The following WDFY3 variants were observed in gnomAD, a reference collection of about 807,000 sequenced individuals.
WDFY3 encodes WD repeat and FYVE domain containing 3.
WDFY3 carries 66 observed loss-of-function variants against 409.6 expected under a neutral mutation model. The observed-to-expected ratio is 0.16, with a 90% confidence interval of 0.13 to 0.20. WDFY3 has a LOEUF of 0.20. Among genes scored for constraint, WDFY3 ranks in the 10% least tolerant of loss-of-function variants. The pLI, the probability that WDFY3 is intolerant of heterozygous loss-of-function variation, is 1.00. For synonymous variants in WDFY3, 1,521 were observed against 1,537.1 expected, an observed-to-expected ratio of 0.99 and a Z score of 0.25; for missense variants, 3,031 against 4,298.1, an observed-to-expected ratio of 0.71 and a Z score of 8.24.
chr4:84,688,831 G>C (rs1234940010), intron 61 of WDFY3, among the ~76,000 whole-genome samples: 3 of 152,134 alleles, frequency 2.0e-5, no homozygotes, highest in Non-Finnish European at 4.4e-5. Context: ...CTGCCAATCG[G>C]AGATATCTGA....
intron 3 of WDFY3, among the ~76,000 whole-genome samples, chr4:84,862,211 C>T (rs374376184): frequency 1.2e-4 from 19 of 152,242 alleles, no homozygotes; most frequent in African/African-American, 2.6e-4. Flanking sequence ...CAGGAGGACA[C>T]GATGTAACTC....
chr4:84,947,544 A>AAT (rs1561138979), intron 1 of WDFY3, among the ~76,000 whole-genome samples: 41 of 131,832 alleles, frequency 3.1e-4, no homozygotes, highest in South Asian at 1.4e-3. Flanking sequence ...ATAATAATAA[A>AAT]AATAATAAAT....
At chr4:84,920,559 C>T (rs186377411) in intron 2 of WDFY3, among the ~76,000 whole-genome samples, 215 of 152,264 alleles carry the variant, frequency 1.4e-3, no homozygotes, top group Admixed American at 1.6e-3. Context: ...TAAAGGGCAA[C>T]TGGATGCTCT....
intron 13 of WDFY3, among the ~76,000 whole-genome samples, chr4:84,810,996 AT>A (rs1268459001): frequency 3.3e-5 from 5 of 151,998 alleles, no homozygotes; most frequent in Admixed American, 1.3e-4. Context: ...TTAGCTTATG[AT>A]TTTTTTTCTT....
chr4:84,687,051 A>C (rs1164653146), intron 62 of WDFY3, among the ~76,000 whole-genome samples: 1 of 152,226 alleles, frequency 6.6e-6, no homozygotes, highest in East Asian at 1.9e-4. Context: ...TAGCTATATA[A>C]GAATTTTTCT....
chr4:84,792,055 A>T (rs140832995), intron 21 of WDFY3, among the ~76,000 whole-genome samples: 82 of 152,312 alleles, frequency 5.4e-4, no homozygotes, highest in African/African-American at 1.7e-3. Flanking sequence ...CAGATCCAGT[A>T]TTTTTCACTG....
chr4:84,674,310 C>T (rs1368885050), intron 67 of WDFY3, among the ~76,000 whole-genome samples: 1 of 152,158 alleles, frequency 6.6e-6, no homozygotes, highest in Non-Finnish European at 1.5e-5. Flanking sequence ...AGGCTGAAAA[C>T]TGTAATCCCA....
chr4:84,689,773 C>T (rs988968805), intron 61 of WDFY3, among the ~76,000 whole-genome samples: 3 of 152,048 alleles, frequency 2.0e-5, no homozygotes, highest in East Asian at 3.9e-4. Context: ...AGAATTGTGT[C>T]GACTAGAGTT....
intron 3 of WDFY3, among the ~76,000 whole-genome samples, chr4:84,893,948 C>T (rs1765273907): frequency 6.6e-6 from 1 of 151,402 alleles, no homozygotes; most frequent in Admixed American, 6.6e-5. Flanking sequence ...GAGGCTGCGC[C>T]ATTGCACTCC....
intron 39 of WDFY3, 31 bp downstream of exon 39, chr4:84,740,156 T>C (rs953323159): frequency 6.2e-7 from 1 of 1,608,694 alleles, no homozygotes; most frequent in Non-Finnish European, 8.5e-7. Flanking sequence ...AAGCCAAATT[T>C]AACATGGCAA....
chr4:84,702,112 A>G (rs1008746878), intron 56 of WDFY3, among the ~76,000 whole-genome samples: 2 of 152,006 alleles, frequency 1.3e-5, no homozygotes, highest in South Asian at 2.1e-4. Flanking sequence ...GGTTCAAGCA[A>G]TTTTCCTGCC....
At chr4:84,852,764 C>T (rs367764911) in intron 4 of WDFY3, among the ~76,000 whole-genome samples, 1 of 146,366 alleles carries the variant, frequency 6.8e-6, no homozygotes, top group Non-Finnish European at 1.5e-5. Context: ...TAAACCTCCC[C>T]TTTTTTTTTT....
chr4:84,714,352 C>G (rs953791496), intron 50 of WDFY3, among the ~76,000 whole-genome samples: 5 of 152,134 alleles, frequency 3.3e-5, no homozygotes, highest in South Asian at 4.1e-4. Flanking sequence ...CAAAGTGATC[C>G]TCCCTCCTTG....
Position 84,737,312 on chromosome 4 carries a change from C to T in WDFY3, c.6629G>A (p.Ser2210Asn). ...VNRVWTELIH[S>N]KKQVLEELFK... ...AAGTTCCTCTAAGACTTGTTTCTTA[C>T]TATGTATCAGTTCAGTCCAAACTCT... The change falls in exon 41 of 68, where the codon AGT becomes AAT. Residue 2210 changes from serine to asparagine, a missense_variant. By Grantham distance (46) the Ser-to-Asn change is conservative (BLOSUM62 1). This residue lies in a region of WDFY3 where 314 missense variants were observed against 397.4 expected (regional missense o/e 0.79). Coordinates refer to ENST00000295888, the MANE Select transcript of WDFY3 (RefSeq NM_014991.6). The T allele has an allele frequency of 6.2e-7, 1 of 1,613,526 alleles. No homozygotes were observed. Among genetic ancestry groups the T allele is most frequent in the Non-Finnish European group, 8.5e-7 (1 of 1,179,730 alleles).
chr4:84,803,808 G>A, intron 15 of WDFY3: 1 of 171,362 alleles, frequency 5.8e-6, no homozygotes, highest in South Asian at 1.5e-4. Context: ...TCTAGAAGAT[G>A]ACAGTTCCAA....
At chr4:84,808,292 C>A in intron 15 of WDFY3, 42 bp downstream of exon 15, 4 of 1,488,040 alleles carry the variant, frequency 2.7e-6, no homozygotes, top group Non-Finnish European at 2.8e-6. Flanking sequence ...AAAAAAGGAA[C>A]CCCACACAAA....
chr4:84,947,541 T>TAAA (rs34319518), intron 1 of WDFY3, among the ~76,000 whole-genome samples: 8 of 137,594 alleles, frequency 5.8e-5, no homozygotes, highest in East Asian at 2.0e-4. Context: ...ATAATAATAA[T>TAAA]AAAAATAATA....
intron 3 of WDFY3, among the ~76,000 whole-genome samples, chr4:84,881,887 A>C (rs1368535741): frequency 1.3e-5 from 2 of 152,118 alleles, no homozygotes; most frequent in Non-Finnish European, 2.9e-5. Flanking sequence ...TCTCCAAAAA[A>C]AAAAAAAGAT....
intron 9 of WDFY3, among the ~76,000 whole-genome samples, chr4:84,827,279 A>C (rs1472675505): frequency 7.2e-5 from 11 of 152,228 alleles, no homozygotes. Flanking sequence ...GTAGGAAAGA[A>C]GAAAAAGTAT....
Sources: allele counts gnomAD v4.1 joint callset (sites outside exome capture counted in the v4.1 genomes callset), GRCh38; gene constraint gnomAD v4.1.1; regional missense constraint gnomAD v4.1.1; transcripts MANE v1.5; gene names NCBI Gene and HGNC (gene_info 2026-07-23, HGNC 2026-07-21).